Variants in RASSF3 observed in about 807,000 individuals in gnomAD.
The protein encoded by RASSF3 is ras association domain-containing protein 3.
In RASSF3, 19 loss-of-function variants were observed where a neutral mutation model predicts 19.9. That is an observed-to-expected ratio of 0.96 (90% CI 0.67 to 1.40). The LOEUF is 1.40. RASSF3 is among the 40% of genes most tolerant of loss of function. The pLI is 0.00. For synonymous variants in RASSF3, 110 were observed against 104.2 expected, an observed-to-expected ratio of 1.06 and a Z score of -0.34; for missense variants, 306 against 289.8, an observed-to-expected ratio of 1.06 and a Z score of -0.41.
chr12:64,561,338 T>C (rs575027051), intron 2 of RASSF3, among the ~76,000 whole-genome samples: 14 of 152,240 alleles, frequency 9.2e-5, no homozygotes, highest in Non-Finnish European at 1.9e-4. Flanking sequence ...AACTTTAAAA[T>C]TTAAAATAAA....
chr12:64,689,373 G>A (rs940159406), intron 3 of RASSF3, among the ~76,000 whole-genome samples: 4 of 152,112 alleles, frequency 2.6e-5, no homozygotes, highest in African/African-American at 9.7e-5. Context: ...CCAGCTCATT[G>A]CTGAGTATGC....
chr12:64,534,317 AC>A (rs1323844820), intron 1 of RASSF3, among the ~76,000 whole-genome samples: 1 of 152,034 alleles, frequency 6.6e-6, no homozygotes, highest in African/African-American at 2.4e-5. Flanking sequence ...CATTTCTACA[AC>A]AACGACACTA....
chr12:64,639,216 T>A (rs1871427490), intron 1 of RASSF3, among the ~76,000 whole-genome samples: 1 of 152,182 alleles, frequency 6.6e-6, no homozygotes, highest in African/African-American at 2.4e-5. Context: ...ATATACACAA[T>A]AAGAAATATT....
chr12:64,617,071 AG>A (rs1471004544), intron 1 of RASSF3, among the ~76,000 whole-genome samples: 1 of 152,224 alleles, frequency 6.6e-6, no homozygotes, highest in African/African-American at 2.4e-5. Context: ...AACAAATGAA[AG>A]CCTGCTCATT....
chr12:64,545,012 G>T (rs2136117992), downstream of RASSF3, among the ~76,000 whole-genome samples: 1 of 152,332 alleles, frequency 6.6e-6, no homozygotes, highest in African/African-American at 2.4e-5. Flanking sequence ...TCTGTAAAGG[G>T]CATGAACAAT....
intron 4 of RASSF3, among the ~76,000 whole-genome samples, chr12:64,694,215 T>G (rs562350759): frequency 1.3e-5 from 2 of 152,226 alleles, no homozygotes; most frequent in East Asian, 3.9e-4. Flanking sequence ...ACAAAGGATG[T>G]TCTGTTTGGG....
intron 2 of RASSF3, among the ~76,000 whole-genome samples, chr12:64,550,025 G>C (rs1001783503): frequency 1.3e-5 from 2 of 152,060 alleles, no homozygotes; most frequent in Non-Finnish European, 2.9e-5. Flanking sequence ...AGGTGATTAA[G>C]TTTTACAGAA....
At chr12:64,599,408 T>C (rs1870050680) in intron 2 of RASSF3, among the ~76,000 whole-genome samples, 1 of 152,212 alleles carries the variant, frequency 6.6e-6, no homozygotes, top group Admixed American at 6.5e-5. Context: ...AAGTTCAATG[T>C]CCCAGACAAT....
At chr12:64,608,392 G>A (rs1870230634), upstream of RASSF3, among the ~76,000 whole-genome samples, 1 of 152,090 alleles carries the variant, frequency 6.6e-6, no homozygotes, top group South Asian at 2.1e-4. Flanking sequence ...GCCACCTCGG[G>A]TCACTGCAAC....
rs375508791 is a variant in RASSF3 at position 64,610,673 on chromosome 12, ACTT to A, written c.49_51del (p.Phe17del). On this transcript the variant is annotated inframe_deletion, in exon 1 of 5. Coordinates refer to ENST00000542104, the MANE Select transcript of RASSF3 (RefSeq NM_178169.4). Reference sequence around the variant, plus strand: ...AGCAGCCTGGAGGAGGACGCCGAGGACTTCTTCTTCACCGCCAGGACCTCCTTC... The same window carrying A: ...AGCAGCCTGGAGGAGGACGCCGAGGACTTCTTCACCGCCAGGACCTCCTTC... 564 of 1,593,028 alleles carry A rather than the reference ACTT, an allele frequency of 3.5e-4. 1 individual carries two copies. Among genetic ancestry groups the A allele is most frequent in the East Asian group, 2.4e-3 (100 of 41,910 alleles).
chr12:64,514,423 G>C (rs182302336), intron 1 of RASSF3, among the ~76,000 whole-genome samples: 1 of 152,070 alleles, frequency 6.6e-6, no homozygotes, highest in East Asian at 1.9e-4. Context: ...TTGACCTCGT[G>C]ATCTGTCCAC....
rs534088296 is a variant in RASSF3 at position 64,686,429 on chromosome 12, A to G, written c.219+1535A>G. ...AGATCGAGACCATCCTGGCTAACACAGTGAAACCCTGTCTCTACTAAAAAT... is the reference window on the plus strand; with the variant it reads ...AGATCGAGACCATCCTGGCTAACACGGTGAAACCCTGTCTCTACTAAAAAT... On this transcript the variant is annotated intron_variant, in intron 2 of 4. Coordinates refer to ENST00000542104, the MANE Select transcript of RASSF3 (RefSeq NM_178169.4). 7.4e-3 allele frequency among the ~76,000 whole-genome samples: 1,120 copies of G among 152,226 alleles called. 6 individuals are homozygous for G. Among genetic ancestry groups the G allele is most frequent in the Non-Finnish European group, 0.011 (776 of 68,008 alleles).
At chr12:64,515,219 G>A (rs762894281) in intron 1 of RASSF3, among the ~76,000 whole-genome samples, 1 of 151,920 alleles carries the variant, frequency 6.6e-6, no homozygotes, top group Non-Finnish European at 1.5e-5. Flanking sequence ...ACCACACCCA[G>A]CTAATTTTTG....
intron 1 of RASSF3, among the ~76,000 whole-genome samples, chr12:64,520,547 CAT>C (rs1254339875): frequency 1.3e-5 from 1 of 74,964 alleles, no homozygotes; most frequent in African/African-American, 4.7e-5. Context: ...CAGATACACA[CAT>C]ACACACATAT....
At position 64,691,594 on chromosome 12, in the gene RASSF3, A is replaced by G. The variant is rs1298240998; in HGVS notation, c.567+15A>G. Reference sequence around the variant, plus strand: ...AAATTGGAGAGGTAAGTTATTGTTCACTATTGCTTTAAACTATACAGAACA... The same window carrying G: ...AAATTGGAGAGGTAAGTTATTGTTCGCTATTGCTTTAAACTATACAGAACA... On this transcript the variant is annotated intron_variant, in intron 4 of 4. Coordinates refer to ENST00000542104, the MANE Select transcript of RASSF3 (RefSeq NM_178169.4). The G allele has an allele frequency of 1.4e-6, 2 of 1,408,816 alleles. No individual in the cohort carries two copies. The highest frequency in any genetic ancestry group is 1.2e-5 in the South Asian group (1 of 86,762). The allele number at this position is 1,408,816 out of a possible 1,614,324, so 87.3% of individuals were successfully genotyped here. A position where few individuals can be genotyped will look rare whatever the true frequency, so the allele number is the denominator to read the frequency against.
At chr12:64,537,318 C>T (rs946444591) in intron 1 of RASSF3, among the ~76,000 whole-genome samples, 5 of 152,176 alleles carry the variant, frequency 3.3e-5, no homozygotes, top group Admixed American at 2.0e-4. Context: ...CCTAAGACCC[C>T]GTGAGGCCCC....
At position 64,565,004 on chromosome 12, in the gene RASSF3, C is replaced by A. The variant is rs894595568; in HGVS notation, c.294+23299C>A. Among the ~76,000 whole-genome samples the A allele has an allele frequency of 5.3e-5, 8 of 151,822 alleles. 1 individual carries two copies. Among genetic ancestry groups the A allele is most frequent in the Admixed American group, 2.0e-4 (3 of 15,260 alleles). ...CCATGTTGGCCAGGATGGTCTCGAA[C>A]TCCTGACCTCAGGTGATCCACCTGC... On this transcript the variant is annotated intron_variant, in intron 2 of 5. Coordinates refer to the RASSF3 transcript ENST00000637125.
intron 2 of RASSF3, among the ~76,000 whole-genome samples, chr12:64,577,177 G>A (rs1196070694): frequency 2.6e-5 from 4 of 152,146 alleles, no homozygotes; most frequent in African/African-American, 7.2e-5. Flanking sequence ...ACTCGGCTGA[G>A]TTTCTTAAAA....
chr12:64,652,029 T>C (rs1467335653), intron 1 of RASSF3, among the ~76,000 whole-genome samples: 1 of 152,228 alleles, frequency 6.6e-6, no homozygotes, highest in East Asian at 1.9e-4. Context: ...TATTTGGAAT[T>C]ATTAGACGTG....
Sources: gnomAD v4.1 joint callset for allele counts (sites outside exome capture counted in the v4.1 genomes callset) on GRCh38, gnomAD v4.1.1 for gene constraint, MANE v1.5 for transcripts, NCBI Gene and HGNC (gene_info 2026-07-23, HGNC 2026-07-21) for gene names.